The following FSTL4 variants were observed in gnomAD, a reference collection of about 807,000 sequenced individuals.
The protein encoded by FSTL4 is follistatin like 4.
A neutral mutation model predicts 78.2 loss-of-function variants in FSTL4; 28 were observed. That is an observed-to-expected ratio of 0.36 (90% CI 0.27 to 0.49). The LOEUF is 0.49. Among genes scored for constraint, FSTL4 ranks in the 20% least tolerant of loss-of-function variants. The pLI is 0.98. For synonymous variants in FSTL4, 422 were observed against 440.5 expected (o/e 0.96, Z 0.53); for missense variants, 922 against 1,084.9 (o/e 0.85, Z 2.11).
the FSTL4 span, among the ~76,000 whole-genome samples, chr5:133,751,149 C>A: frequency 3.5e-4 from 53 of 152,288 alleles, no homozygotes; most frequent in African/African-American, 1.1e-3. Context: ...TACTCAGAAG[C>A]CCTACCTGCC....
the FSTL4 span, among the ~76,000 whole-genome samples, chr5:133,718,228 T>G: frequency 3.9e-5 from 6 of 151,988 alleles, no homozygotes; most frequent in Admixed American, 3.9e-4. Context: ...GAGTGGTGTG[T>G]GCCACCATGC....
chr5:133,602,750 A>C (rs1318799732), intron 2 of FSTL4, among the ~76,000 whole-genome samples: 1 of 152,224 alleles, frequency 6.6e-6, no homozygotes, highest in Non-Finnish European at 1.5e-5. Flanking sequence ...CACAAAAGGA[A>C]GGCACACTAA....
intron 2 of FSTL4, among the ~76,000 whole-genome samples, chr5:133,600,690 T>A (rs1331681818): frequency 6.6e-6 from 1 of 152,220 alleles, no homozygotes; most frequent in Non-Finnish European, 1.5e-5. Context: ...CACACACGCG[T>A]TGGTCATTTA....
rs1034515404 is a variant in FSTL4, at chr5:133,196,832, G to A, written c.*2263C>T. On this transcript the variant is annotated 3_prime_UTR_variant, in exon 16 of 16. Coordinates refer to ENST00000265342, the MANE Select transcript of FSTL4 (RefSeq NM_015082.2). ...CCCTGCATTGGTGACTTTGCCTCCT[G>A]GGGCTGGACTCCTGAAACCCTGACC... 4 of 152,270 alleles carry A rather than the reference G, an allele frequency of 2.6e-5. No homozygotes were observed. Among genetic ancestry groups the A allele is most frequent in the African/African-American group, 9.7e-5 (4 of 41,446 alleles). 9.4% of individuals were successfully genotyped at this position (152,270 alleles called of 1,614,324 possible).
the FSTL4 span, among the ~76,000 whole-genome samples, chr5:133,711,372 G>A: frequency 6.6e-6 from 1 of 152,244 alleles, no homozygotes; most frequent in Admixed American, 6.5e-5. Flanking sequence ...AGTACAGAAG[G>A]AAAGGCACTA....
chr5:133,555,197 C>G (rs1759763666), intron 3 of FSTL4, among the ~76,000 whole-genome samples: 1 of 152,078 alleles, frequency 6.6e-6, no homozygotes, highest in African/African-American at 2.4e-5. Flanking sequence ...TTTTGAATAC[C>G]CCAGGTATGG....
At chr5:133,577,014 G>A (rs1760297742) in intron 2 of FSTL4, among the ~76,000 whole-genome samples, 1 of 152,154 alleles carries the variant, frequency 6.6e-6, no homozygotes, top group Admixed American at 6.5e-5. Context: ...GCCTTATGTA[G>A]CATGTATTCC....
intron 2 of FSTL4, among the ~76,000 whole-genome samples, chr5:133,594,054 T>C (rs997534873): frequency 1.3e-5 from 2 of 152,182 alleles, no homozygotes; most frequent in Admixed American, 6.5e-5. Context: ...GATGTCCCGA[T>C]TGGCCAAGCC....
intron 4 of FSTL4, among the ~76,000 whole-genome samples, chr5:133,332,380 G>C (rs565782810): frequency 3.3e-5 from 5 of 152,206 alleles, no homozygotes; most frequent in Admixed American, 2.0e-4. Context: ...GTCTGTCATG[G>C]TAATGGATTC....
chr5:133,242,117 CAT>C (rs1291430602), intron 7 of FSTL4, among the ~76,000 whole-genome samples: 2 of 152,198 alleles, frequency 1.3e-5, no homozygotes, highest in African/African-American at 4.8e-5. Context: ...AACTTACACA[CAT>C]GTGCAAAGAG....
the FSTL4 span, among the ~76,000 whole-genome samples, chr5:133,737,206 T>C: frequency 6.6e-6 from 1 of 152,108 alleles, no homozygotes; most frequent in African/African-American, 2.4e-5. Context: ...TAGAAAAAAA[T>C]GGGTATATTT....
At chr5:133,537,858 C>T (rs1473682035) in intron 3 of FSTL4, among the ~76,000 whole-genome samples, 3 of 151,390 alleles carry the variant, frequency 2.0e-5, no homozygotes, top group African/African-American at 4.9e-5. Context: ...TCTATATGTA[C>T]ACACATATAT....
the FSTL4 span, among the ~76,000 whole-genome samples, chr5:133,626,184 A>ATG: frequency 1.6e-4 from 1 of 6,244 alleles, no homozygotes; most frequent in Non-Finnish European, 2.6e-4. Flanking sequence ...CCATATATAT[A>ATG]TATTCCATAT....
At chr5:133,488,888 T>A (rs1354127139) in intron 3 of FSTL4, among the ~76,000 whole-genome samples, 1 of 152,100 alleles carries the variant, frequency 6.6e-6, no homozygotes, top group Non-Finnish European at 1.5e-5. Context: ...CTCTCTGGCA[T>A]CTGGAGACTG....
the FSTL4 span, among the ~76,000 whole-genome samples, chr5:133,816,601 G>C: frequency 6.6e-6 from 1 of 152,160 alleles, no homozygotes; most frequent in East Asian, 1.9e-4. Context: ...CCCCACTAGA[G>C]TGTCTAAGCG....
rs985847929 is a variant in FSTL4, at chr5:133,611,953, C to A, written c.-11+372G>T. Among the ~76,000 whole-genome samples, 13 of 152,010 alleles carry A rather than the reference C, an allele frequency of 8.6e-5. No homozygotes were observed. Among genetic ancestry groups the A allele is most frequent in the Non-Finnish European group, 1.3e-4 (9 of 67,976 alleles). ...GTCCTGAACCCAAGAACGGCGCCTG[C>A]AGGATTTCGGAGCCGGGCGCGAGCT... On this transcript the variant is annotated intron_variant, in intron 1 of 15. Transcript: ENST00000265342. The surrounding 1 kb of genome is among the most constrained non-coding windows in gnomAD (Gnocchi z 4.9).
At chr5:133,366,290 C>A (rs976607849) in intron 4 of FSTL4, among the ~76,000 whole-genome samples, 1 of 152,170 alleles carries the variant, frequency 6.6e-6, no homozygotes, top group Non-Finnish European at 1.5e-5. Flanking sequence ...TCCGAGGATA[C>A]CCCAGCCATT....
chr5:133,577,559 C>T (rs966607424), intron 2 of FSTL4, among the ~76,000 whole-genome samples: 2 of 152,200 alleles, frequency 1.3e-5, no homozygotes, highest in Non-Finnish European at 2.9e-5. Context: ...CACCTTTCAG[C>T]CAGCCCTGCC....
chr5:133,695,493 C>T, the FSTL4 span, among the ~76,000 whole-genome samples: 4 of 152,172 alleles, frequency 2.6e-5, no homozygotes, highest in African/African-American at 9.7e-5. Flanking sequence ...GGGATTTGTA[C>T]ATAAACATAG....
Sources: gnomAD v4.1 joint callset for allele counts (sites outside exome capture counted in the v4.1 genomes callset) on GRCh38, gnomAD v4.1.1 for gene constraint, Gnocchi (gnomAD v3.1) non-coding constraint, MANE v1.5 for transcripts, NCBI Gene and HGNC (gene_info 2026-07-23, HGNC 2026-07-21) for gene names.